The following SLC1A7 variants were observed in gnomAD, a reference collection of about 807,000 sequenced individuals.
SLC1A7 encodes the protein excitatory amino acid transporter 5.
SLC1A7 carries 40 observed loss-of-function variants against 47.7 expected under a neutral mutation model. That is an observed-to-expected ratio of 0.84 (90% CI 0.65 to 1.09). The LOEUF is 1.09. Ranked by LOEUF, SLC1A7 falls within the 50% of genes least tolerant of loss-of-function variation. The probability of loss-of-function intolerance (pLI) is 0.00; values close to 1 mark genes in which losing one functional copy is unlikely to be tolerated. For synonymous variants in SLC1A7, 323 were observed against 325.6 expected (o/e 0.99, Z 0.09); for missense variants, 746 against 769.5 (o/e 0.97, Z 0.36).
chr1:53,118,147 C>T (rs1341223020), intron 2 of SLC1A7, among the ~76,000 whole-genome samples: 1 of 152,248 alleles, frequency 6.6e-6, no homozygotes, highest in Non-Finnish European at 1.5e-5. Flanking sequence ...GTGTAAGGCC[C>T]TGCCCTTTGG....
At chr1:53,103,287 G>GTAGAT in intron 5 of SLC1A7, 59 bp downstream of exon 5, 1 of 1,295,004 alleles carries the variant, frequency 7.7e-7, no homozygotes, top group South Asian at 1.4e-5. Context: ...GGAGCAGGCT[G>GTAGAT]CTGGGAGGGG....
intron 5 of SLC1A7, among the ~76,000 whole-genome samples, chr1:53,098,736 G>A (rs1166727092): frequency 2.1e-5 from 3 of 145,756 alleles, no homozygotes; most frequent in Admixed American, 1.4e-4. Context: ...ATACCGCCTC[G>A]ATACACTCAC....
At position 53,114,535 on chromosome 1, in the gene SLC1A7, A is replaced by G. The variant is rs142951143; in HGVS notation, c.431+223T>C. Reference sequence around the variant, plus strand: ...AGATGTCTGCTCTGCGCCCATCCACAGGCAGAGAGGGGCAGACCCCGTCCA... The same window carrying G: ...AGATGTCTGCTCTGCGCCCATCCACGGGCAGAGAGGGGCAGACCCCGTCCA... On this transcript the variant is annotated intron_variant, in intron 3 of 10. Transcript: ENST00000371494. 5.2e-4 allele frequency: 299 copies of G among 578,818 alleles called. 2 individuals carry two copies. In the East Asian group the frequency reaches 8.1e-3, roughly 16 times the overall value. The allele number at this position is 578,818 out of a possible 1,614,324, so 35.9% of individuals were successfully genotyped here.
intron 1 of SLC1A7, among the ~76,000 whole-genome samples, chr1:53,135,452 G>A (rs1644982662): frequency 6.6e-6 from 1 of 152,202 alleles, no homozygotes; most frequent in Non-Finnish European, 1.5e-5. Flanking sequence ...TTGAATGGGT[G>A]CAACACCACG....
At position 53,099,027 on chromosome 1, in the gene SLC1A7, C is replaced by T. The variant is rs371065095; in HGVS notation, c.697+4319G>A. Among the ~76,000 whole-genome samples, 231 of 151,324 alleles carry T rather than the reference C, an allele frequency of 1.5e-3. 4 individuals are homozygous for T. The highest frequency in any genetic ancestry group is 5.5e-3 in the African/African-American group (225 of 41,146). Reference sequence around the variant, plus strand: ...TCATTACACTTATACTGCCTCAAAACACTCACACCCTGCCTCTGTACACTC... The same window carrying T: ...TCATTACACTTATACTGCCTCAAAATACTCACACCCTGCCTCTGTACACTC... On this transcript the variant is annotated intron_variant, in intron 5 of 10. Transcript: ENST00000371494.
intron 2 of SLC1A7, among the ~76,000 whole-genome samples, chr1:53,132,069 A>G (rs1644947074): frequency 6.6e-6 from 1 of 152,196 alleles, no homozygotes; most frequent in African/African-American, 2.4e-5. Flanking sequence ...TGGTCTGCTT[A>G]GGGAACTTGA....
intron 2 of SLC1A7, among the ~76,000 whole-genome samples, chr1:53,118,824 C>T (rs2150336322): frequency 6.6e-6 from 1 of 152,104 alleles, no homozygotes; most frequent in East Asian, 1.9e-4. Context: ...ACGGTGAAGC[C>T]CCATCTCTAC....
chr1:53,101,438 C>T (rs1210666778), intron 5 of SLC1A7, among the ~76,000 whole-genome samples: 1 of 149,056 alleles, frequency 6.7e-6, no homozygotes, highest in East Asian at 2.0e-4. Context: ...AGGACACTCA[C>T]ACATCTCACA....
chr1:53,108,314 G>C (rs570559686), intron 3 of SLC1A7: 1 of 433,826 alleles, frequency 2.3e-6, no homozygotes, highest in Non-Finnish European at 4.1e-6. Context: ...TTGGAAGCTC[G>C]TAAGAAGCCA....
At chr1:53,131,406 A>C (rs1001020882) in intron 2 of SLC1A7, among the ~76,000 whole-genome samples, 1 of 152,212 alleles carries the variant, frequency 6.6e-6, no homozygotes, top group Non-Finnish European at 1.5e-5. Flanking sequence ...GGGTCCATAC[A>C]ATGGCCTCTA....
intron 3 of SLC1A7, chr1:53,108,374 T>TACAATC: frequency 1.7e-6 from 1 of 592,528 alleles, no homozygotes; most frequent in South Asian, 2.1e-5. Flanking sequence ...CCTTTACAAT[T>TACAATC]ACAATCATTT....
chr1:53,097,645 A>G (rs532942272), intron 5 of SLC1A7, among the ~76,000 whole-genome samples: 1 of 132,974 alleles, frequency 7.5e-6, no homozygotes, highest in South Asian at 2.5e-4. Flanking sequence ...CCTGCCTCCA[A>G]GCACTCACAC....
At chr1:53,126,608 T>C (rs1644885182) in intron 2 of SLC1A7, among the ~76,000 whole-genome samples, 1 of 152,180 alleles carries the variant, frequency 6.6e-6, no homozygotes, top group Non-Finnish European at 1.5e-5. Context: ...TCTTGATCTC[T>C]GGGAATGAAT....
rs554091891 is a variant in SLC1A7 at position 53,095,831 on chromosome 1, C to T, written c.698-2271G>A. 2.7e-3 allele frequency among the ~76,000 whole-genome samples: 401 copies of T among 150,814 alleles called. 1 individual carries two copies. Among genetic ancestry groups the T allele is most frequent in the African/African-American group, 8.9e-3 (365 of 40,874 alleles). ...GACTTGGTACACTCACACACACTGC[C>T]TCGGTACACTCACACACACCACCTC... On this transcript the variant is annotated intron_variant, in intron 5 of 10. Coordinates refer to ENST00000371494, the MANE Select transcript of SLC1A7 (RefSeq NM_006671.6).
intron 2 of SLC1A7, among the ~76,000 whole-genome samples, chr1:53,126,783 AAT>A (rs1644887251): frequency 6.6e-6 from 1 of 152,220 alleles, no homozygotes; most frequent in South Asian, 2.1e-4. Context: ...GTAGAGAAGA[AAT>A]CACAGTGGCA....
intron 5 of SLC1A7, among the ~76,000 whole-genome samples, chr1:53,101,868 A>T (rs1470081264): frequency 1.3e-5 from 2 of 148,286 alleles, no homozygotes; most frequent in Admixed American, 1.3e-4. Flanking sequence ...GCCTCGGTAC[A>T]CTCACACTCT....
rs906708188 is a variant in SLC1A7, at chr1:53,107,340, A to T, written c.432-1566T>A. ...AGCGCAACATAGCATCCTGGATTGG[A>T]TCCTGCAACAGAGAAAAAGGACATT... On this transcript the variant is annotated intron_variant, in intron 3 of 10. Transcript: ENST00000371494. Among the ~76,000 whole-genome samples, 23 of 152,164 alleles carry T rather than the reference A, an allele frequency of 1.5e-4. 2 individuals are homozygous for T. The highest frequency in any genetic ancestry group is 1.5e-3 in the Admixed American group (23 of 15,264).
intron 2 of SLC1A7, among the ~76,000 whole-genome samples, chr1:53,121,216 G>A (rs1310455433): frequency 1.3e-5 from 2 of 152,230 alleles, no homozygotes; most frequent in Admixed American, 6.5e-5. Flanking sequence ...TGGGTGCAGG[G>A]TTGCTGATGT....
chr1:53,136,707 C>T (rs1157589942), intron 1 of SLC1A7, among the ~76,000 whole-genome samples: 1 of 140,144 alleles, frequency 7.1e-6, no homozygotes, highest in Non-Finnish European at 1.5e-5. Flanking sequence ...CATTCTGTTA[C>T]CCAGGCAGGA....
Sources: allele counts gnomAD v4.1 joint callset (sites outside exome capture counted in the v4.1 genomes callset), GRCh38; gene constraint gnomAD v4.1.1; transcripts MANE v1.5; gene names NCBI Gene and HGNC (gene_info 2026-07-23, HGNC 2026-07-21).